AFTPH: variants seen among roughly 807,000 people sequenced by gnomAD.
AFTPH encodes the protein aftiphilin protein.
AFTPH carries 7 observed loss-of-function variants against 72.5 expected under a neutral mutation model. That is an observed-to-expected ratio of 0.10 (90% confidence interval 0.05 to 0.18). AFTPH has a LOEUF of 0.18. AFTPH is among the 10% of genes least tolerant of loss of function. The pLI, the probability that AFTPH is intolerant of heterozygous loss-of-function variation, is 1.00. For missense variants in AFTPH, 979 were observed against 1,060.5 expected, an observed-to-expected ratio of 0.92 and a Z score of 1.07; for synonymous variants, 337 against 370.1, an observed-to-expected ratio of 0.91 and a Z score of 1.03.
At chr2:64,589,255 G>A (rs530644436) in intron 8 of AFTPH, among the ~76,000 whole-genome samples, 2 of 152,246 alleles carry the variant, frequency 1.3e-5, no homozygotes, top group South Asian at 2.1e-4. Flanking sequence ...ATTCATTCTT[G>A]TGCAGGTGGA....
At chr2:64,551,769 C>T in exon 2 of AFTPH, 1 of 1,613,554 alleles carries the variant, frequency 6.2e-7, no homozygotes, top group South Asian at 1.1e-5. Flanking sequence ...ACTTTCTGCT[C>T]CTGTGAAAGG....
intron 2 of AFTPH, among the ~76,000 whole-genome samples, chr2:64,566,895 A>G (rs1361866194): frequency 6.6e-6 from 1 of 152,198 alleles, no homozygotes; most frequent in Non-Finnish European, 1.5e-5. Context: ...CATGCAACAA[A>G]GACGAGTAGA....
chr2:64,551,557 T>A (rs1374638347), exon 2 of AFTPH: 2 of 1,614,020 alleles, frequency 1.2e-6, no homozygotes, highest in South Asian at 2.2e-5. Context: ...GATGATGAAT[T>A]TGGGGAATTT....
intron 6 of AFTPH, among the ~76,000 whole-genome samples, chr2:64,576,995 G>A (rs1672853381): frequency 1.3e-5 from 2 of 152,140 alleles, no homozygotes; most frequent in African/African-American, 4.8e-5. Context: ...CTGACCTCAA[G>A]TGATCCACCC....
intron 7 of AFTPH, chr2:64,580,982 GAATTA>G (rs1442985055): frequency 5.0e-5 from 19 of 381,356 alleles, no homozygotes; most frequent in Middle Eastern, 6.2e-4. Context: ...AATGTACATT[GAATTA>G]AATTGTTATT....
chr2:64,564,319 C>T (rs1671920836), intron 2 of AFTPH, among the ~76,000 whole-genome samples: 1 of 152,142 alleles, frequency 6.6e-6, no homozygotes, highest in African/African-American at 2.4e-5. Flanking sequence ...CCCCCTGTGT[C>T]TGTATGTATC....
intron 1 of AFTPH, among the ~76,000 whole-genome samples, chr2:64,544,575 T>C (rs1194232075): frequency 2.6e-5 from 4 of 151,514 alleles, no homozygotes; most frequent in Non-Finnish European, 5.9e-5. Flanking sequence ...CTAAAGTAGC[T>C]TATCTATCCT....
At chr2:64,584,147 A>G (rs1673366189) in intron 7 of AFTPH, among the ~76,000 whole-genome samples, 1 of 151,836 alleles carries the variant, frequency 6.6e-6, no homozygotes, top group Admixed American at 6.6e-5. Context: ...TTTTTTCTCA[A>G]GTTATTTGCT....
chr2:64,582,836 T>TG (rs1673291500), intron 7 of AFTPH, among the ~76,000 whole-genome samples: 1 of 152,144 alleles, frequency 6.6e-6, no homozygotes, highest in African/African-American at 2.4e-5. Context: ...AAACCATTCA[T>TG]AGGAGCACAA....
exon 1 of AFTPH, chr2:64,524,577 G>A (rs1404030995): frequency 2.5e-6 from 1 of 398,902 alleles, no homozygotes; most frequent in African/African-American, 2.1e-5. Context: ...CCGGGCCCCT[G>A]AGCCATGCCC....
Position 64,545,985 on chromosome 2 carries a change from C to T in AFTPH, c.-32-5458C>T, listed in dbSNP as rs189795532. On this transcript the variant is annotated intron_variant, in intron 1 of 8. Coordinates refer to ENST00000238856, the Ensembl canonical transcript of AFTPH. ...TCGTCTCACTGCAACCTCTGCCTCC[C>T]GGGTTCAAGCAATTCTCCTGCTTCA... is the stretch of plus-strand genomic sequence containing the variant. 1.2e-3 allele frequency among the ~76,000 whole-genome samples: 179 copies of T among 152,046 alleles called. 1 individual carries two copies. The highest frequency in any genetic ancestry group is 2.2e-3 in the Non-Finnish European group (147 of 67,986).
chr2:64,532,950 G>A (rs1272898258), intron 1 of AFTPH, among the ~76,000 whole-genome samples: 2 of 152,236 alleles, frequency 1.3e-5, no homozygotes, highest in Non-Finnish European at 1.5e-5. Context: ...AATACATACC[G>A]TTTGACATAT....
At chr2:64,572,103 T>C (rs879846889) in intron 5 of AFTPH, among the ~76,000 whole-genome samples, 40 of 151,696 alleles carry the variant, frequency 2.6e-4, no homozygotes, top group Non-Finnish European at 5.0e-4. Flanking sequence ...ACCTGTAATC[T>C]TAGCTACTCG....
At chr2:64,536,932 AAAG>A (rs1335624494) in intron 1 of AFTPH, among the ~76,000 whole-genome samples, 4 of 141,462 alleles carry the variant, frequency 2.8e-5, no homozygotes, top group African/African-American at 1.1e-4. Context: ...CAGCCTGGGA[AAAG>A]AAGGAGACTC....
chr2:64,591,896 A>C, exon 9 of AFTPH: 1 of 1,613,804 alleles, frequency 6.2e-7, no homozygotes, highest in South Asian at 1.1e-5. Context: ...AGGAAACCGA[A>C]AAGAGAAGAG....
At chr2:64,551,322 A>G in intron 1 of AFTPH, 121 bp from the exon 2 acceptor site, 1 of 767,260 alleles carries the variant, frequency 1.3e-6, no homozygotes, top group South Asian at 2.1e-5. Flanking sequence ...GTCAAGGAAA[A>G]AAGGAGACAA....
At chr2:64,555,775 G>A (rs531346586) in intron 2 of AFTPH, among the ~76,000 whole-genome samples, 2 of 152,280 alleles carry the variant, frequency 1.3e-5, no homozygotes, top group South Asian at 4.1e-4. Context: ...AAGTGACTGA[G>A]TCAGAAGTGG....
intron 3 of AFTPH, among the ~76,000 whole-genome samples, chr2:64,568,143 A>G (rs7575214): frequency 6.6e-6 from 1 of 151,954 alleles, no homozygotes; most frequent in Non-Finnish European, 1.5e-5. Context: ...ATCAATAATC[A>G]GTTGATGTTA....
intron 1 of AFTPH, among the ~76,000 whole-genome samples, chr2:64,542,984 G>A (rs111503424): frequency 1.3e-5 from 2 of 152,178 alleles, no homozygotes; most frequent in African/African-American, 4.8e-5. Context: ...ACAGTTTTCC[G>A]AATATCTGTA....
Sources: gnomAD v4.1 joint callset for allele counts (sites outside exome capture counted in the v4.1 genomes callset) on GRCh38, gnomAD v4.1.1 for gene constraint, MANE v1.5 for transcripts, NCBI Gene and HGNC (gene_info 2026-07-23, HGNC 2026-07-21) for gene names.